The following SYN2 variants were observed in gnomAD, a reference collection of about 807,000 sequenced individuals.
SYN2 encodes the protein synapsin II, also known as synapsin-2.
A neutral mutation model predicts 50.9 loss-of-function variants in SYN2; 19 were observed. The ratio of observed to expected loss-of-function variants is 0.37; its 90% CI spans 0.26 to 0.55. The LOEUF (loss-of-function observed/expected upper bound fraction) is 0.55, where lower values mean the gene tolerates loss of function less well. SYN2 is among the 20% of genes least tolerant of loss of function. The probability of loss-of-function intolerance (pLI) is 0.81; values close to 1 mark genes in which losing one functional copy is unlikely to be tolerated. For synonymous variants in SYN2, 255 were observed against 224.9 expected (o/e 1.13, Z -1.20); for missense variants, 587 against 576.4 (o/e 1.02, Z -0.19).
intron 1 of SYN2, among the ~76,000 whole-genome samples, chr3:12,083,377 G>C (rs766615214): frequency 6.6e-6 from 1 of 152,172 alleles, no homozygotes; most frequent in Non-Finnish European, 1.5e-5. Flanking sequence ...GTGAATAATA[G>C]TTCTGTCTCT....
chr3:12,158,875 TG>T, intron 5 of SYN2: 1 of 1,516,058 alleles, frequency 6.6e-7, no homozygotes. Flanking sequence ...CTGTGAGGTC[TG>T]GGGGACTGGA....
At chr3:12,070,403 G>A (rs1040407707) in intron 1 of SYN2, 9 of 534,586 alleles carry the variant, frequency 1.7e-5, no homozygotes, top group Middle Eastern at 3.3e-4. Context: ...GAGGCCCAGA[G>A]CAAGCATGGC....
At chr3:12,006,575 T>C (rs1435691730) in intron 1 of SYN2, among the ~76,000 whole-genome samples, 1 of 152,206 alleles carries the variant, frequency 6.6e-6, no homozygotes, top group Non-Finnish European at 1.5e-5. Flanking sequence ...AGTAATATGT[T>C]TACAATCATG....
At chr3:12,068,834 G>T (rs1028706919) in intron 1 of SYN2, among the ~76,000 whole-genome samples, 1 of 152,114 alleles carries the variant, frequency 6.6e-6, no homozygotes, top group Non-Finnish European at 1.5e-5. Context: ...CTGCAGGGTT[G>T]TGCAACTACC....
At chr3:12,147,427 T>C (rs929501308) in intron 4 of SYN2, among the ~76,000 whole-genome samples, 1 of 152,206 alleles carries the variant, frequency 6.6e-6, no homozygotes, top group African/African-American at 2.4e-5. Context: ...CCTTTCCTTC[T>C]GCGTGGCCTG....
chr3:12,129,943 G>T (rs908170895), intron 1 of SYN2, among the ~76,000 whole-genome samples: 2 of 152,104 alleles, frequency 1.3e-5, no homozygotes, highest in Non-Finnish European at 2.9e-5. Context: ...CATAAGAAGA[G>T]AGACCACGGC....
At position 12,119,956 on chromosome 3, in the gene SYN2, C is replaced by G. The variant is rs933134200; in HGVS notation, c.378-20695C>G. Among the ~76,000 whole-genome samples the G allele has an allele frequency of 9.2e-5, 14 of 152,190 alleles. No homozygotes were observed. In the East Asian group the frequency reaches 2.1e-3, roughly 23 times the overall value. ...ATAGACCCCTGAAGCTAGAAAGTGT[C>G]TTAGAGATTTAAGTTCAAAGGTTTT... On this transcript the variant is annotated intron_variant, in intron 1 of 12. Coordinates refer to ENST00000621198, the MANE Select transcript of SYN2 (RefSeq NM_133625.6).
chr3:12,177,213 G>T (rs1414636021), intron 10 of SYN2, among the ~76,000 whole-genome samples: 1 of 152,190 alleles, frequency 6.6e-6, no homozygotes, highest in East Asian at 1.9e-4. Context: ...GGTTTTTCCA[G>T]CCACAAAGGC....
At chr3:12,087,780 G>A (rs371545736) in intron 1 of SYN2, among the ~76,000 whole-genome samples, 41 of 152,026 alleles carry the variant, frequency 2.7e-4, no homozygotes, top group African/African-American at 9.4e-4. Flanking sequence ...TAACCCATGC[G>A]TTTATGATCA....
intron 1 of SYN2, among the ~76,000 whole-genome samples, chr3:12,140,119 T>A (rs1696980448): frequency 6.6e-6 from 1 of 152,242 alleles, no homozygotes; most frequent in African/African-American, 2.4e-5. Flanking sequence ...ATTAATTTCC[T>A]CTCATTCATT....
intron 1 of SYN2, among the ~76,000 whole-genome samples, chr3:12,085,727 A>G (rs542563213): frequency 2.0e-5 from 3 of 152,354 alleles, no homozygotes; most frequent in East Asian, 1.9e-4. Context: ...GAAACACAGC[A>G]TACCAAAACT....
At chr3:12,185,745 A>C in intron 11 of SYN2, 2 of 985,876 alleles carry the variant, frequency 2.0e-6, no homozygotes, top group Non-Finnish European at 2.4e-6. Flanking sequence ...GTTAAGTTGT[A>C]ACGTTTCTGG....
chr3:12,141,065 C>G (rs1190291520), intron 2 of SYN2, among the ~76,000 whole-genome samples: 1 of 152,180 alleles, frequency 6.6e-6, no homozygotes, highest in African/African-American at 2.4e-5. Context: ...CAAGATATTT[C>G]TCGGTAGGCA....
At chr3:12,047,007 A>G (rs1694755237) in intron 1 of SYN2, among the ~76,000 whole-genome samples, 1 of 152,186 alleles carries the variant, frequency 6.6e-6, no homozygotes, top group Admixed American at 6.5e-5. Flanking sequence ...AACTTCAGGA[A>G]AACATATTGT....
chr3:12,023,117 G>T (rs1004431319), intron 1 of SYN2, among the ~76,000 whole-genome samples: 1 of 152,040 alleles, frequency 6.6e-6, no homozygotes, highest in African/African-American at 2.4e-5. Context: ...GTTAAATGTG[G>T]ATGAGAATGC....
chr3:12,089,841 G>A (rs993224093), intron 1 of SYN2, among the ~76,000 whole-genome samples: 1 of 152,098 alleles, frequency 6.6e-6, no homozygotes, highest in Non-Finnish European at 1.5e-5. Flanking sequence ...CCCAAGGTTT[G>A]TGGGTGTAGG....
chr3:12,062,517 A>G (rs753192005), intron 1 of SYN2, among the ~76,000 whole-genome samples: 5 of 152,040 alleles, frequency 3.3e-5, no homozygotes, highest in African/African-American at 9.6e-5. Context: ...ACTTTATTAA[A>G]GTTGAAAATT....
In SYN2 at chr3:12,154,407, A is replaced by G. The variant is rs145039174; in HGVS notation, c.774+3081A>G. 32 of 1,614,052 alleles carry G rather than the reference A, an allele frequency of 2.0e-5. No individual in the cohort carries two copies. The African/African-American group carries it at 4.1e-4, about 21-fold the overall frequency. ...GACAGGTCCTCCCAGGGCTCGATGTAGTTGCACAGATGGATGAAGACTTTT... is the reference window on the plus strand; with the variant it reads ...GACAGGTCCTCCCAGGGCTCGATGTGGTTGCACAGATGGATGAAGACTTTT... On this transcript the variant is annotated intron_variant, in intron 5 of 12. Coordinates refer to ENST00000621198, the MANE Select transcript of SYN2 (RefSeq NM_133625.6).
chr3:12,052,826 C>G (rs1250762981), intron 1 of SYN2, among the ~76,000 whole-genome samples: 1 of 152,162 alleles, frequency 6.6e-6, no homozygotes, highest in Admixed American at 6.5e-5. Context: ...TAGCATTGCC[C>G]TTGCAGTTTA....
Sources: gnomAD v4.1 joint callset for allele counts (sites outside exome capture counted in the v4.1 genomes callset) on GRCh38, gnomAD v4.1.1 for gene constraint, MANE v1.5 for transcripts, NCBI Gene and HGNC (gene_info 2026-07-23, HGNC 2026-07-21) for gene names.